Variants in PDE4D observed in about 807,000 individuals in gnomAD.
PDE4D encodes the protein 3',5'-cyclic-AMP phosphodiesterase 4D.
Under a neutral mutation model 87.4 loss-of-function variants are expected in PDE4D, and 24 were observed. That is an observed-to-expected ratio of 0.27 (90% CI 0.20 to 0.39). The LOEUF (loss-of-function observed/expected upper bound fraction) is 0.39, where lower values mean the gene tolerates loss of function less well. PDE4D is among the 10% of genes least tolerant of loss of function. The pLI, the probability that PDE4D is intolerant of heterozygous loss-of-function variation, is 1.00. For missense variants in PDE4D, 714 were observed against 1,041.0 expected (o/e 0.69, Z 4.32); for synonymous variants, 384 against 383.2 (o/e 1.00, Z -0.02).
In PDE4D at chr5:60,141,070, T is replaced by C. The variant is rs547260377; in HGVS notation, c.42+44487A>G. On this transcript the variant is annotated intron_variant, in intron 2 of 16. Coordinates refer to the PDE4D transcript ENST00000502484. ...CTTTTTTCGTGGAGTTCATAGATTC[T>C]CATCGTGTGTCTCTTTGGATATCAG... Among the ~76,000 whole-genome samples the C allele has an allele frequency of 5.9e-5, 9 of 152,308 alleles. No individual in the cohort carries two copies. The South Asian group carries it at 1.9e-3, about 32-fold the overall frequency.
At chr5:59,151,431 G>A (rs575991226) in intron 5 of PDE4D, among the ~76,000 whole-genome samples, 25 of 152,240 alleles carry the variant, frequency 1.6e-4, no homozygotes, top group African/African-American at 5.8e-4. Flanking sequence ...GCTTGGCTGG[G>A]ATCTCACAGT....
At chr5:60,493,590 AT>A (rs1554044156) in intron 1 of PDE4D, among the ~76,000 whole-genome samples, 1 of 60,992 alleles carries the variant, frequency 1.6e-5, no homozygotes. Flanking sequence ...ACAATCATTC[AT>A]TCATTCATTC....
intron 2 of PDE4D, among the ~76,000 whole-genome samples, chr5:59,989,501 T>C (rs1762802111): frequency 6.6e-6 from 1 of 152,092 alleles, no homozygotes; most frequent in Non-Finnish European, 1.5e-5. Flanking sequence ...GAAACATATG[T>C]TTTCATATGT....
intron 1 of PDE4D, among the ~76,000 whole-genome samples, chr5:59,383,756 G>GTA (rs1786392031): frequency 6.6e-6 from 1 of 151,994 alleles, no homozygotes; most frequent in Non-Finnish European, 1.5e-5. Flanking sequence ...TAATCCATAT[G>GTA]TATATTTGTT....
At position 60,052,438 on chromosome 5, in the gene PDE4D, C is replaced by G. The variant is rs748343443; in HGVS notation, c.43-63721G>C. Among the ~76,000 whole-genome samples the G allele has an allele frequency of 8.5e-5, 13 of 152,224 alleles. No homozygotes were observed. In the South Asian group the frequency reaches 1.5e-3, roughly 17 times the overall value. ...CATAAACAGAACCAATGACAAAAACCTCATGATTATCTCAATAGATGCAGA... is the reference window on the plus strand; with the variant it reads ...CATAAACAGAACCAATGACAAAAACGTCATGATTATCTCAATAGATGCAGA... On this transcript the variant is annotated intron_variant, in intron 2 of 16. Transcript: ENST00000502484.
At chr5:60,062,210 TACAAGAAAAAC>T (rs1181834618) in intron 2 of PDE4D, among the ~76,000 whole-genome samples, 7 of 151,888 alleles carry the variant, frequency 4.6e-5, no homozygotes, top group Non-Finnish European at 1.0e-4. Context: ...TAACCATATT[TACAAGAAAAAC>T]ACAAGAAAAC....
At chr5:59,116,644 T>A (rs1405714652) in intron 5 of PDE4D, among the ~76,000 whole-genome samples, 2 of 152,148 alleles carry the variant, frequency 1.3e-5, no homozygotes, top group Admixed American at 1.3e-4. Flanking sequence ...CTGCACGTAC[T>A]CCACGGCTGC....
chr5:60,303,881 T>C (rs1199978741), intron 1 of PDE4D, among the ~76,000 whole-genome samples: 2 of 152,204 alleles, frequency 1.3e-5, no homozygotes, highest in African/African-American at 2.4e-5. Context: ...CTGTCTAATA[T>C]TGTCAGTGAG....
At chr5:59,748,234 C>T (rs1039931231) in intron 1 of PDE4D, among the ~76,000 whole-genome samples, 17 of 152,198 alleles carry the variant, frequency 1.1e-4, no homozygotes, top group Non-Finnish European at 1.6e-4. Flanking sequence ...GTGGCTTCTA[C>T]TTTGCACTCT....
chr5:59,445,785 G>A (rs1422860932), intron 1 of PDE4D, among the ~76,000 whole-genome samples: 2 of 152,086 alleles, frequency 1.3e-5, no homozygotes, highest in East Asian at 3.9e-4. Context: ...GGGGAAACAG[G>A]ATATAATTCA....
intron 1 of PDE4D, among the ~76,000 whole-genome samples, chr5:59,685,741 A>T (rs530868868): frequency 2.0e-5 from 3 of 151,996 alleles, no homozygotes; most frequent in Non-Finnish European, 4.4e-5. Context: ...TTTTCTGCCA[A>T]AGATTTGAAA....
At chr5:59,659,636 T>C (rs1430079237) in intron 1 of PDE4D, among the ~76,000 whole-genome samples, 1 of 152,256 alleles carries the variant, frequency 6.6e-6, no homozygotes, top group Admixed American at 6.5e-5. Context: ...AGCTATCTCC[T>C]TTCTCTGACA....
intron 1 of PDE4D, among the ~76,000 whole-genome samples, chr5:60,427,511 A>C (rs1743826189): frequency 6.6e-6 from 1 of 152,200 alleles, no homozygotes; most frequent in South Asian, 2.1e-4. Context: ...CTTTCAGATA[A>C]ATAAAAGCTG....
chr5:59,715,402 C>T (rs574934939), intron 1 of PDE4D, among the ~76,000 whole-genome samples: 2 of 152,326 alleles, frequency 1.3e-5, no homozygotes, highest in African/African-American at 4.8e-5. Context: ...CCCCCTATGC[C>T]CGATGGGGCA....
At chr5:59,989,087 CATATATATATAT>C (rs541522751) in intron 2 of PDE4D, among the ~76,000 whole-genome samples, 2 of 100,436 alleles carry the variant, frequency 2.0e-5, no homozygotes, top group African/African-American at 7.0e-5. Flanking sequence ...ATGCATGTGT[CATATATATATAT>C]ATATATATAT....
intron 1 of PDE4D, among the ~76,000 whole-genome samples, chr5:59,366,113 T>C (rs1204102830): frequency 2.6e-5 from 4 of 152,064 alleles, no homozygotes; most frequent in African/African-American, 7.2e-5. Context: ...CCTGTGTATC[T>C]ACTGTTTAGA....
chr5:60,517,086 C>A (rs1750832751), intron 1 of PDE4D, among the ~76,000 whole-genome samples: 1 of 152,262 alleles, frequency 6.6e-6, no homozygotes, highest in Non-Finnish European at 1.5e-5. Flanking sequence ...CTAGCTCCCA[C>A]TCCAATTTCA....
chr5:59,423,941 G>T (rs973975412), intron 1 of PDE4D, among the ~76,000 whole-genome samples: 5 of 151,966 alleles, frequency 3.3e-5, no homozygotes, highest in African/African-American at 9.7e-5. Context: ...ACAGAGACTA[G>T]TTATAAAGTT....
chr5:60,347,943 G>C (rs575261888), intron 1 of PDE4D, among the ~76,000 whole-genome samples: 1 of 152,110 alleles, frequency 6.6e-6, no homozygotes, highest in Non-Finnish European at 1.5e-5. Flanking sequence ...GTTTTCTGCC[G>C]TTTTTGGAGT....
Sources: allele counts gnomAD v4.1 joint callset (sites outside exome capture counted in the v4.1 genomes callset), GRCh38; gene constraint gnomAD v4.1.1; transcripts MANE v1.5; gene names NCBI Gene and HGNC (gene_info 2026-07-23, HGNC 2026-07-21).